The following KAT6A variants were observed in gnomAD, a reference collection of about 807,000 sequenced individuals.
KAT6A encodes the protein histone acetyltransferase KAT6A.
KAT6A carries 9 observed loss-of-function variants against 198.4 expected under a neutral mutation model. The observed-to-expected ratio is 0.05, with a 90% CI of 0.03 to 0.08. The LOEUF (loss-of-function observed/expected upper bound fraction) is 0.08. KAT6A is among the 10% of genes least tolerant of loss of function. KAT6A has a pLI of 1.00. For synonymous variants in KAT6A, 890 were observed against 883.0 expected, an observed-to-expected ratio of 1.01 and a Z score of -0.14; for missense variants, 2,077 against 2,509.9, an observed-to-expected ratio of 0.83 and a Z score of 3.69.
In KAT6A at chr8:41,941,249, G is replaced by C; in HGVS notation, c.2632C>G (p.Arg878Gly). ...AGTTTAGAATCTTTATCACCAAAAC[G>C]TTCCTGGGTTTTTCTGTTCTTCCTC... ...WGRKNRKTQE[R>G]FGDKDSKLLL... Residue 878 changes from arginine to glycine, a missense_variant, in exon 15 of 17, where the codon CGT becomes GGT. Transcript: ENST00000265713. The C allele has an allele frequency of 6.2e-7, 1 of 1,613,964 alleles. No individual in the cohort carries two copies. Among genetic ancestry groups the C allele is most frequent in the South Asian group, 1.1e-5 (1 of 91,064 alleles).
chr8:42,042,314 G>T lies in KAT6A; in HGVS notation c.600+6064C>A, dbSNP rs1257746944. Among the ~76,000 whole-genome samples the T allele has an allele frequency of 3.3e-5, 5 of 151,712 alleles. No individual in the cohort carries two copies. The East Asian group carries it at 5.8e-4, about 18-fold the overall frequency. On this transcript the variant is annotated intron_variant, in intron 2 of 16. Coordinates refer to ENST00000265713, the MANE Select transcript of KAT6A (RefSeq NM_006766.5). ...TCTACTAAAAATATAAAAATTAGCC[G>T]GGCATGGTGGCATGCGCCTATAATC...
intron 5 of KAT6A, among the ~76,000 whole-genome samples, chr8:41,979,819 G>A (rs1482634712): frequency 6.6e-6 from 1 of 152,172 alleles, no homozygotes; most frequent in African/African-American, 2.4e-5. Flanking sequence ...TGGCCAACAT[G>A]GCAAAACCCC....
At chr8:41,944,661 A>C (rs1029154836) in intron 12 of KAT6A, among the ~76,000 whole-genome samples, 8 of 152,250 alleles carry the variant, frequency 5.3e-5, no homozygotes, top group Admixed American at 3.3e-4. Flanking sequence ...TTGGAAACGT[A>C]TTACATTAGG....
intron 2 of KAT6A, among the ~76,000 whole-genome samples, chr8:42,012,294 A>G (rs1404721596): frequency 3.9e-5 from 6 of 152,206 alleles, no homozygotes; most frequent in Admixed American, 3.9e-4. Flanking sequence ...GTAGACTGAA[A>G]TCCCCCACAG....
chr8:42,005,292 C>G (rs1825684025), intron 2 of KAT6A, among the ~76,000 whole-genome samples: 1 of 152,186 alleles, frequency 6.6e-6, no homozygotes, highest in Non-Finnish European at 1.5e-5. Context: ...GTTAATATTG[C>G]ATCAAATTAA....
At chr8:42,042,230 A>T (rs1355365808) in intron 2 of KAT6A, among the ~76,000 whole-genome samples, 1 of 152,088 alleles carries the variant, frequency 6.6e-6, no homozygotes, top group African/African-American at 2.4e-5. Flanking sequence ...AGGCCGAGGC[A>T]GGCGGATCAT....
intron 2 of KAT6A, among the ~76,000 whole-genome samples, chr8:42,005,128 T>C (rs1485621820): frequency 6.6e-6 from 1 of 152,206 alleles, no homozygotes; most frequent in Admixed American, 6.5e-5. Context: ...TGAGGAACAT[T>C]TGAATTGTTT....
Position 41,941,095 on chromosome 8 carries a change from T to G in KAT6A, c.2786A>C (p.Gln929Pro), listed in dbSNP as rs776557780. The G allele has an allele frequency of 1.5e-5, 24 of 1,614,130 alleles. No homozygotes were observed. The highest frequency in any genetic ancestry group is 2.0e-5 in the Non-Finnish European group (24 of 1,180,048). Residue 929 changes from glutamine to proline, a missense_variant, in exon 15 of 17, where the codon CAG (glutamine) becomes CCG (proline). By Grantham distance (76) the Gln-to-Pro change is moderately conservative. Around this residue, in one of 13 missense-constraint regions of KAT6A, gnomAD observed 301 missense variants for 272.2 expected, o/e 1.11. Coordinates refer to ENST00000265713, the MANE Select transcript of KAT6A (RefSeq NM_006766.5). ...CTTGGGAAGGTCAGGTTTCCCGTCC[T>G]GGCTTGGCTGCTCCTCAGAAGCCAC... is the stretch of plus-strand genomic sequence containing the variant. ...QLVASEEQPSQDGKPDLPKRR... is the reference protein window; with the variant it reads ...QLVASEEQPSPDGKPDLPKRR...
chr8:42,041,974 TTTA>T (rs1827691357), intron 2 of KAT6A, among the ~76,000 whole-genome samples: 1 of 152,136 alleles, frequency 6.6e-6, no homozygotes. Context: ...TGGACAACTA[TTTA>T]TTGCCTTTTT....
In KAT6A at chr8:41,967,264, T is replaced by A. The variant is rs567747254; in HGVS notation, c.1482+7440A>T. On this transcript the variant is annotated intron_variant, in intron 8 of 16. Transcript: ENST00000265713. ...GAATACAAACGCGTCTTTCTTTTTT[T>A]AAAAAAAAAAATTTATTTATTTATT... 5.9e-4 allele frequency among the ~76,000 whole-genome samples: 86 copies of A among 145,252 alleles called. 1 individual carries two copies. The East Asian group carries it at 7.0e-3, about 12-fold the overall frequency.
chr8:41,949,052 C>A (rs575715666), intron 10 of KAT6A, among the ~76,000 whole-genome samples, 170 bp downstream of exon 10: 1 of 152,128 alleles, frequency 6.6e-6, no homozygotes, highest in Non-Finnish European at 1.5e-5. Flanking sequence ...TTAATATATG[C>A]AAAATCAACT....
At chr8:42,037,345 C>G (rs1487195894) in intron 2 of KAT6A, among the ~76,000 whole-genome samples, 1 of 152,074 alleles carries the variant, frequency 6.6e-6, no homozygotes, top group Non-Finnish European at 1.5e-5. Flanking sequence ...TTTAAAGATG[C>G]CCTGAATAGA....
chr8:41,988,859 T>C (rs1397796096), intron 2 of KAT6A, among the ~76,000 whole-genome samples: 1 of 152,228 alleles, frequency 6.6e-6, no homozygotes, highest in Non-Finnish European at 1.5e-5. Flanking sequence ...CTCAACTGTT[T>C]ATGCTAGGCA....
intron 2 of KAT6A, among the ~76,000 whole-genome samples, chr8:42,012,735 AC>A (rs1187906883): frequency 6.6e-6 from 1 of 152,230 alleles, no homozygotes; most frequent in Non-Finnish European, 1.5e-5. Context: ...AAACTACTGT[AC>A]TATATTCACA....
At chr8:42,019,605 T>C (rs1387134010) in intron 2 of KAT6A, among the ~76,000 whole-genome samples, 5 of 152,182 alleles carry the variant, frequency 3.3e-5, no homozygotes, top group Non-Finnish European at 7.3e-5. Flanking sequence ...TCACACGAGT[T>C]AAGTGATGAA....
intron 8 of KAT6A, among the ~76,000 whole-genome samples, chr8:41,961,325 A>C (rs144515977): frequency 2.7e-4 from 41 of 152,378 alleles, no homozygotes; most frequent in African/African-American, 8.7e-4. Flanking sequence ...TGTGCATGAG[A>C]TAACATCTTC....
intron 2 of KAT6A, among the ~76,000 whole-genome samples, chr8:42,007,890 A>G (rs1239937112): frequency 7.5e-6 from 1 of 134,156 alleles, no homozygotes; most frequent in African/African-American, 2.8e-5. Context: ...TGAACCAGGG[A>G]GGCGGAGCTT....
In KAT6A at chr8:42,048,696, TTTA is replaced by T. The variant is rs776344071; in HGVS notation, c.279_281del (p.Asn93del). 2 of 1,614,252 alleles carry T rather than the reference TTTA, an allele frequency of 1.2e-6. No homozygotes were observed. Among genetic ancestry groups the T allele is most frequent in the East Asian group, 4.5e-5 (2 of 44,888 alleles). ...TCAGTTTATTCCAATCCACATTTTG[TTTA>T]TTATCCAATTTTCCATGGTTCCGAG... On this transcript the variant is annotated inframe_deletion, in exon 2 of 17. Coordinates refer to ENST00000265713, the MANE Select transcript of KAT6A (RefSeq NM_006766.5).
At chr8:42,027,528 T>C (rs563404077) in intron 2 of KAT6A, among the ~76,000 whole-genome samples, 1 of 152,288 alleles carries the variant, frequency 6.6e-6, no homozygotes, top group African/African-American at 2.4e-5. Flanking sequence ...TTTGGTAGGT[T>C]GTACGTGTCC....
Sources: allele counts gnomAD v4.1 joint callset (sites outside exome capture counted in the v4.1 genomes callset), GRCh38; gene constraint gnomAD v4.1.1; regional missense constraint gnomAD v4.1.1; transcripts MANE v1.5; gene names NCBI Gene and HGNC (gene_info 2026-07-23, HGNC 2026-07-21).